ATP10D: variants seen among roughly 807,000 people sequenced by gnomAD.
The protein encoded by ATP10D is phospholipid-transporting ATPase VD.
ATP10D carries 89 observed loss-of-function variants against 144.8 expected under a neutral mutation model. That is an observed-to-expected ratio of 0.61 (90% CI 0.52 to 0.73). The LOEUF is 0.73. ATP10D is among the 30% of genes least tolerant of loss of function. The probability of loss-of-function intolerance (pLI) is 0.00; values close to 1 mark genes in which losing one functional copy is unlikely to be tolerated. For synonymous variants in ATP10D, 571 were observed against 615.1 expected (o/e 0.93, Z 1.06); for missense variants, 1,603 against 1,714.8 (o/e 0.93, Z 1.15).
At chr4:47,577,421 A>G (rs1305143906) in intron 19 of ATP10D, among the ~76,000 whole-genome samples, 1 of 152,212 alleles carries the variant, frequency 6.6e-6, no homozygotes, top group African/African-American at 2.4e-5. Flanking sequence ...TAGAAAGAAT[A>G]GGTTATGTTT....
chr4:47,557,989 T>C lies in ATP10D; in HGVS notation c.2150T>C (p.Leu717Ser), dbSNP rs1328359352. 1 of 1,613,906 alleles carries C rather than the reference T, an allele frequency of 6.2e-7. No homozygotes were observed. The highest frequency in any genetic ancestry group is 8.5e-7 in the Non-Finnish European group (1 of 1,179,904). The part of the protein sequence containing the change: ...GKAESLPGQP[L>S]ACNLCYEAES... ...GCAGAGTCCCTCCCTGGACAGCCATTGGCCTGCAACCTGTGTTATGAGGCC... is the reference window on the plus strand; with the variant it reads ...GCAGAGTCCCTCCCTGGACAGCCATCGGCCTGCAACCTGTGTTATGAGGCC... The change falls in exon 12 of 23, where the codon TTG becomes TCG. Residue 717 changes from leucine (L) to serine (S), a missense_variant. Physicochemically the swap from Leu to Ser is moderately radical, Grantham distance 145. Coordinates refer to ENST00000273859, the MANE Select transcript of ATP10D (RefSeq NM_020453.4).
At chr4:47,498,451 A>G (rs1248644596) in intron 1 of ATP10D, among the ~76,000 whole-genome samples, 1 of 152,218 alleles carries the variant, frequency 6.6e-6, no homozygotes, top group Non-Finnish European at 1.5e-5. Flanking sequence ...CTCTAATACA[A>G]CTTAAGTCAT....
At chr4:47,534,624 T>G (rs1469847621) in intron 5 of ATP10D, among the ~76,000 whole-genome samples, 1 of 152,172 alleles carries the variant, frequency 6.6e-6, no homozygotes, top group Admixed American at 6.6e-5. Context: ...TAACCATTGA[T>G]TTTAGCAGCC....
intron 1 of ATP10D, among the ~76,000 whole-genome samples, chr4:47,494,352 T>C (rs1381345602): frequency 2.0e-5 from 3 of 152,086 alleles, no homozygotes; most frequent in Admixed American, 2.0e-4. Flanking sequence ...CTGCATGCTT[T>C]TGAAGTGGTA....
intron 19 of ATP10D, among the ~76,000 whole-genome samples, chr4:47,579,843 A>G (rs1217122626): frequency 6.6e-6 from 1 of 152,226 alleles, no homozygotes; most frequent in Non-Finnish European, 1.5e-5. Flanking sequence ...CCTGGTTTAC[A>G]TTTTTTAAGT....
Position 47,585,354 on chromosome 4 carries a change from C to T in ATP10D, c.3754-1665C>T, listed in dbSNP as rs1720737302. 4.0e-5 allele frequency among the ~76,000 whole-genome samples: 6 copies of T among 149,248 alleles called. 1 individual carries two copies. In the South Asian group the frequency reaches 1.3e-3, roughly 31 times the overall value. ...TTTGAATTTAAATCTTTTTTTATTT[C>T]TAAAATTTTTGTGGGTACATAGTAG... On this transcript the variant is annotated intron_variant, in intron 21 of 22. Transcript: ENST00000273859.
At chr4:47,572,000 T>G (rs1392616054) in intron 16 of ATP10D, among the ~76,000 whole-genome samples, 154 bp from the exon 17 acceptor site, 2 of 152,212 alleles carry the variant, frequency 1.3e-5, no homozygotes, top group Non-Finnish European at 2.9e-5. Context: ...GGATGCCACT[T>G]CATTTCTGTT....
At chr4:47,552,367 C>A (rs1259778997) in intron 10 of ATP10D, among the ~76,000 whole-genome samples, 2 of 152,156 alleles carry the variant, frequency 1.3e-5, no homozygotes, top group African/African-American at 2.4e-5. Context: ...ATTTATTTTT[C>A]ACAGATCTGG....
intron 20 of ATP10D, 109 bp downstream of exon 20, chr4:47,580,587 GTTGA>G (rs1438071496): frequency 9.5e-6 from 9 of 949,038 alleles, no homozygotes; most frequent in African/African-American, 3.3e-5. Flanking sequence ...ATATAATCAG[GTTGA>G]TTATTAACTG....
chr4:47,545,897 T>C (rs1718395935), intron 9 of ATP10D, among the ~76,000 whole-genome samples: 2 of 152,264 alleles, frequency 1.3e-5, no homozygotes, highest in African/African-American at 4.8e-5. Context: ...ATTTCAAAGA[T>C]GGGACCAGTT....
chr4:47,550,633 T>C (rs1389548626), intron 10 of ATP10D, among the ~76,000 whole-genome samples: 5 of 152,062 alleles, frequency 3.3e-5, no homozygotes, highest in Non-Finnish European at 7.4e-5. Context: ...AATGGAATCT[T>C]GGGCCATGCC....
chr4:47,533,116 G>GA (rs764875110), intron 5 of ATP10D, among the ~76,000 whole-genome samples: 1 of 151,964 alleles, frequency 6.6e-6, no homozygotes, highest in African/African-American at 2.4e-5. Context: ...GATTTCAGGG[G>GA]AAAAAATCTT....
At chr4:47,491,036 T>G (rs551686419) in intron 1 of ATP10D, 4 of 718,158 alleles carry the variant, frequency 5.6e-6, no homozygotes, top group South Asian at 5.4e-5. Context: ...TCCTTCCCAT[T>G]GGCTCTCACA....
chr4:47,515,747 T>C, intron 3 of ATP10D, 77 bp downstream of exon 3: 1 of 1,223,566 alleles, frequency 8.2e-7, no homozygotes, highest in Non-Finnish European at 1.1e-6. Flanking sequence ...TTTTTCTCCT[T>C]AGGTGTGACC....
intron 5 of ATP10D, 90 bp downstream of exon 5, chr4:47,525,732 C>A (rs954858929): frequency 6.3e-6 from 7 of 1,108,548 alleles, no homozygotes; most frequent in East Asian, 2.5e-5. Context: ...TGTGCTTATA[C>A]CCTTGTTAAA....
intron 22 of ATP10D, among the ~76,000 whole-genome samples, 164 bp from the exon 23 acceptor site, chr4:47,590,878 T>C (rs1217618450): frequency 6.6e-6 from 1 of 152,126 alleles, no homozygotes; most frequent in Non-Finnish European, 1.5e-5. Context: ...TTAATATTGT[T>C]TTATCTCCAT....
intron 11 of ATP10D, among the ~76,000 whole-genome samples, chr4:47,555,980 C>G (rs1207138458): frequency 1.3e-5 from 2 of 152,168 alleles, no homozygotes; most frequent in Admixed American, 6.5e-5. Flanking sequence ...TCTCAAACTC[C>G]TGACCTCAGG....
intron 3 of ATP10D, among the ~76,000 whole-genome samples, chr4:47,519,716 A>G (rs1716851933): frequency 6.6e-6 from 1 of 152,090 alleles, no homozygotes; most frequent in Non-Finnish European, 1.5e-5. Context: ...TTTAAGACTC[A>G]GTTCGGGTAT....
rs568623345 is a variant in ATP10D at position 47,564,538 on chromosome 4, G to A, written c.2853+773G>A. Among the ~76,000 whole-genome samples the A allele has an allele frequency of 2.6e-5, 4 of 152,006 alleles. No homozygotes were observed. In the East Asian group the frequency reaches 7.7e-4, roughly 29 times the overall value. On this transcript the variant is annotated intron_variant, in intron 15 of 22. Coordinates refer to ENST00000273859, the MANE Select transcript of ATP10D (RefSeq NM_020453.4). The stretch of plus-strand genomic sequence containing the variant: ...TTCTAAAAATAGACTCAGGGAAATC[G>A]TGCCCTCTTGTGGTAATTCCTAGGT...
Sources: gnomAD v4.1 joint callset for allele counts (sites outside exome capture counted in the v4.1 genomes callset) on GRCh38, gnomAD v4.1.1 for gene constraint, MANE v1.5 for transcripts, NCBI Gene and HGNC (gene_info 2026-07-23, HGNC 2026-07-21) for gene names.